The following POGZ variants were observed in gnomAD, a reference collection of about 807,000 sequenced individuals.
POGZ encodes pogo transposable element with ZNF domain.
POGZ carries 17 observed loss-of-function variants against 134.6 expected under a neutral mutation model. The ratio of observed to expected loss-of-function variants is 0.13; its 90% CI spans 0.09 to 0.19. The LOEUF (loss-of-function observed/expected upper bound fraction) is 0.19, where lower values mean the gene tolerates loss of function less well. Ranked by LOEUF, POGZ falls within the 10% of genes least tolerant of loss-of-function variation. POGZ has a pLI of 1.00. For synonymous variants in POGZ, 693 were observed against 657.1 expected (o/e 1.05, Z -0.84); for missense variants, 1,306 against 1,769.7 (o/e 0.74, Z 4.70).
At chr1:151,408,365 C>A (rs767538181) in intron 14 of POGZ, 44 bp downstream of exon 14, 44 of 1,555,452 alleles carry the variant, frequency 2.8e-5, no homozygotes, top group Non-Finnish European at 3.5e-5. Flanking sequence ...ATAATCCTGG[C>A]CACCCAGTCC....
In POGZ at chr1:151,425,861, T is replaced by C. The variant is rs1373971965; in HGVS notation, c.1079-800A>G. On this transcript the variant is annotated intron_variant, in intron 7 of 18. Transcript: ENST00000271715. ...TTCTAGTCCCTGCTTTCAATTCTTT[T>C]GGGTATAGAATGGAATTCCTGGAGC... 2.6e-5 allele frequency among the ~76,000 whole-genome samples: 4 copies of C among 152,226 alleles called. No homozygotes were observed. The East Asian group carries it at 7.7e-4, about 29-fold the overall frequency.
rs551552125 is a variant in POGZ at position 151,453,546 on chromosome 1, G to A, written c.-2+5606C>T. On this transcript the variant is annotated intron_variant, in intron 1 of 18. Coordinates refer to ENST00000271715, the MANE Select transcript of POGZ (RefSeq NM_015100.4). The stretch of plus-strand genomic sequence containing the variant: ...TAAGGTGGATTATGTAGGCTACCAA[G>A]GAGGTACATTACTTTCTTCCATTAA... Among the ~76,000 whole-genome samples the A allele has an allele frequency of 3.9e-5, 6 of 152,288 alleles. No homozygotes were observed. The East Asian group carries it at 1.2e-3, about 29-fold the overall frequency.
At position 151,430,904 on chromosome 1, in the gene POGZ, C is replaced by CTTTATTTTAT. The variant is rs60227751; in HGVS notation, c.284-73_284-64dup. On this transcript the variant is annotated intron_variant, in intron 3 of 18. Coordinates refer to ENST00000271715, the MANE Select transcript of POGZ (RefSeq NM_015100.4). The stretch of plus-strand genomic sequence containing the variant: ...GAAACAATGTTAAACCCACATTTTA[C>CTTTATTTTAT]TTTATTTTATTTTATTTTATTTTAT... The CTTTATTTTAT allele has an allele frequency of 3.9e-3, 1,652 of 426,836 alleles. 29 individuals carry two copies. Among genetic ancestry groups the CTTTATTTTAT allele is most frequent in the East Asian group, 0.022 (294 of 13,658 alleles). 26.4% of individuals were successfully genotyped at this position (426,836 alleles called of 1,614,324 possible).
At chr1:151,438,072 ATGG>A (rs1254628337) in intron 3 of POGZ, among the ~76,000 whole-genome samples, 1 of 152,014 alleles carries the variant, frequency 6.6e-6, no homozygotes, top group Non-Finnish European at 1.5e-5. Context: ...ACAGCCAGGC[ATGG>A]TGGTGCATGC....
intron 1 of POGZ, among the ~76,000 whole-genome samples, chr1:151,456,056 T>C (rs368096592): frequency 6.6e-6 from 1 of 152,158 alleles, no homozygotes; most frequent in African/African-American, 2.4e-5. Flanking sequence ...TAGTAGTTTC[T>C]TAAAGGACAG....
intron 15 of POGZ, among the ~76,000 whole-genome samples, chr1:151,407,644 G>C (rs1653880516): frequency 6.6e-6 from 1 of 152,150 alleles, no homozygotes; most frequent in African/African-American, 2.4e-5. Flanking sequence ...TAGGAGAGAA[G>C]AACAAATAGC....
rs1359729945 is a variant in POGZ, at chr1:151,429,627, C to A, written c.544G>T (p.Val182Phe). ...CCTGGAACTAGTGTAATTGGTCTAA[C>A]CGTTTGGCCTTGCTGTACGTTCAGC... Reference protein sequence around the residue: ...IVLNVQQGQTVRPITLVPAPG... With the variant: ...IVLNVQQGQTFRPITLVPAPG... The change falls in exon 5 of 19, where the codon GTT (valine) becomes TTT (phenylalanine). Residue 182 changes from valine to phenylalanine, a missense_variant. Val to Phe is a conservative substitution (Grantham distance 50). This residue lies in a region of POGZ where 541 missense variants were observed against 680.5 expected (regional missense o/e 0.80). Coordinates refer to ENST00000271715, the MANE Select transcript of POGZ (RefSeq NM_015100.4). 1 of 1,605,076 alleles carries A rather than the reference C, an allele frequency of 6.2e-7. No homozygotes were observed. Among genetic ancestry groups the A allele is most frequent in the Admixed American group, 1.7e-5 (1 of 59,972 alleles).
At chr1:151,435,881 A>C (rs1659488980) in intron 3 of POGZ, among the ~76,000 whole-genome samples, 1 of 151,818 alleles carries the variant, frequency 6.6e-6, no homozygotes, top group African/African-American at 2.4e-5. Flanking sequence ...AAAATACACA[A>C]TTCAGTGATT....
intron 1 of POGZ, among the ~76,000 whole-genome samples, chr1:151,455,885 AGTTT>A (rs1662704250): frequency 6.9e-6 from 1 of 144,250 alleles, no homozygotes; most frequent in African/African-American, 2.6e-5. Flanking sequence ...AACAAACGGT[AGTTT>A]CTTTCTTTTT....
In POGZ at chr1:151,404,143, G is replaced by A; in HGVS notation, c.*659C>T. 1.0e-6 allele frequency: 1 copy of A among 985,130 alleles called. No homozygotes were observed. The highest frequency in any genetic ancestry group is 1.2e-6 in the Non-Finnish European group (1 of 829,562). The allele number at this position is 985,130 out of a possible 1,614,324, so 61.0% of individuals were successfully genotyped here. On this transcript the variant is annotated 3_prime_UTR_variant, in exon 19 of 19. Transcript: ENST00000271715. ...TTTAAAGCCACAATTTTATATCTAG[G>A]GTTGCTGTAGAAACCAACATCTCTG...
intron 10 of POGZ, among the ~76,000 whole-genome samples, chr1:151,422,329 A>G (rs1254437475): frequency 1.3e-5 from 2 of 152,160 alleles, no homozygotes; most frequent in Non-Finnish European, 2.9e-5. Context: ...ATTTTCCTAT[A>G]TTTACATAAT....
At chr1:151,450,520 T>C (rs1245714482) in intron 1 of POGZ, among the ~76,000 whole-genome samples, 1 of 152,048 alleles carries the variant, frequency 6.6e-6, no homozygotes. Flanking sequence ...GCCTGGTTAA[T>C]TTTTGTATTT....
chr1:151,421,683 G>C (rs1387445590), intron 10 of POGZ, among the ~76,000 whole-genome samples: 2 of 152,186 alleles, frequency 1.3e-5, no homozygotes, highest in Admixed American at 1.3e-4. Context: ...AAAACCAGCA[G>C]GGCAGTCAAA....
chr1:151,431,561 C>A (rs1439224402), intron 3 of POGZ, among the ~76,000 whole-genome samples: 2 of 152,168 alleles, frequency 1.3e-5, no homozygotes, highest in Non-Finnish European at 2.9e-5. Context: ...AACCCAGAGA[C>A]TGACAGGCTA....
intron 2 of POGZ, 82 bp from the exon 3 acceptor site, chr1:151,441,168 C>T: frequency 8.4e-7 from 1 of 1,187,560 alleles, no homozygotes; most frequent in Non-Finnish European, 1.2e-6. Context: ...CCCTTTCCAT[C>T]TTATTGTGGG....
At chr1:151,418,808 G>A (rs898546674) in intron 10 of POGZ, among the ~76,000 whole-genome samples, 6 of 151,268 alleles carry the variant, frequency 4.0e-5, no homozygotes, top group Admixed American at 2.0e-4. Flanking sequence ...GGTGGATCAC[G>A]AGGTCAGGAG....
intron 3 of POGZ, among the ~76,000 whole-genome samples, chr1:151,432,948 G>A (rs745608381): frequency 6.6e-6 from 1 of 152,092 alleles, no homozygotes; most frequent in Non-Finnish European, 1.5e-5. Context: ...TAATCTATAG[G>A]TTCCCCAACC....
chr1:151,416,203 T>TC (rs758652202), intron 10 of POGZ, among the ~76,000 whole-genome samples: 225 of 50,224 alleles, frequency 4.5e-3, no homozygotes, highest in Non-Finnish European at 6.8e-3. Context: ...AGAGTGAAAC[T>TC]CCATCTCAAA....
intron 3 of POGZ, among the ~76,000 whole-genome samples, chr1:151,434,855 G>C (rs1205661447): frequency 6.6e-6 from 1 of 151,738 alleles, no homozygotes; most frequent in Non-Finnish European, 1.5e-5. Flanking sequence ...AAAGAATTAT[G>C]CAACTAACTT....
Sources: allele counts gnomAD v4.1 joint callset (sites outside exome capture counted in the v4.1 genomes callset), GRCh38; gene constraint gnomAD v4.1.1; regional missense constraint gnomAD v4.1.1; transcripts MANE v1.5; gene names NCBI Gene and HGNC (gene_info 2026-07-23, HGNC 2026-07-21).